ETFDH: variants seen among roughly 807,000 people sequenced by gnomAD.
The protein encoded by ETFDH is electron transfer flavoprotein-ubiquinone oxidoreductase, mitochondrial.
A neutral mutation model predicts 73.2 loss-of-function variants in ETFDH; 61 were observed. The observed-to-expected ratio is 0.83, with a 90% CI of 0.68 to 1.03. The LOEUF (loss-of-function observed/expected upper bound fraction) is 1.03, where lower values mean the gene tolerates loss of function less well. ETFDH is among the 50% of genes least tolerant of loss of function. The pLI is 0.00. For missense variants in ETFDH, 685 were observed against 745.0 expected (o/e 0.92, Z 0.94); for synonymous variants, 243 against 253.3 (o/e 0.96, Z 0.39).
intron 5 of ETFDH, among the ~76,000 whole-genome samples, chr4:158,688,407 A>G (rs63677960): frequency 1.0e-4 from 11 of 108,524 alleles, no homozygotes; most frequent in South Asian, 9.3e-4. Flanking sequence ...AAAAAAAAAA[A>G]GGGCACAGTG....
At chr4:158,683,485 T>C (rs1773915300) in intron 3 of ETFDH, among the ~76,000 whole-genome samples, 1 of 152,250 alleles carries the variant, frequency 6.6e-6, no homozygotes, top group African/African-American at 2.4e-5. Flanking sequence ...GAATTTATCC[T>C]TTTGATATTA....
chr4:158,685,764 C>G (rs62351200), intron 5 of ETFDH, among the ~76,000 whole-genome samples: 1 of 152,106 alleles, frequency 6.6e-6, no homozygotes, highest in South Asian at 2.1e-4. Flanking sequence ...AATGATGACC[C>G]GATAACCCAG....
chr4:158,699,884 G>A (rs1774412514), intron 9 of ETFDH, among the ~76,000 whole-genome samples: 1 of 152,092 alleles, frequency 6.6e-6, no homozygotes, highest in African/African-American at 2.4e-5. Context: ...AGACCTAGTA[G>A]CTAATTGTCA....
At chr4:158,673,996 T>TG (rs1773651004) in intron 1 of ETFDH, among the ~76,000 whole-genome samples, 1 of 148,982 alleles carries the variant, frequency 6.7e-6, no homozygotes, top group South Asian at 2.2e-4. Context: ...AGGTTGTGAC[T>TG]TTTTTTTCCA....
At chr4:158,684,422 TCAGA>T (rs1270005850) in intron 3 of ETFDH, among the ~76,000 whole-genome samples, 166 bp from the exon 4 acceptor site, 4 of 150,894 alleles carry the variant, frequency 2.7e-5, no homozygotes, top group Non-Finnish European at 4.4e-5. Context: ...TCTGTACATC[TCAGA>T]CAGAGAAAGG....
At chr4:158,702,986 T>G (rs1774506017) in intron 9 of ETFDH, among the ~76,000 whole-genome samples, 1 of 152,232 alleles carries the variant, frequency 6.6e-6, no homozygotes, top group Non-Finnish European at 1.5e-5. Context: ...AAGTTTTTTG[T>G]CTTTTTGATA....
rs1774711900 is a variant in ETFDH at position 158,708,667 on chromosome 4, A to G, written c.*140A>G. On this transcript the variant is annotated 3_prime_UTR_variant, in exon 13 of 13. Transcript: ENST00000511912. Reference sequence around the variant, plus strand: ...TTATCAAATAAAAATTTTATACTATATGTAAGATTGTCCCATAAAGAAATT... The same window carrying G: ...TTATCAAATAAAAATTTTATACTATGTGTAAGATTGTCCCATAAAGAAATT... The G allele has an allele frequency of 5.6e-6, 4 of 710,780 alleles. No individual in the cohort carries two copies. The East Asian group carries it at 1.1e-4, about 19-fold the overall frequency. The allele number at this position is 710,780 out of a possible 1,614,324, so 44.0% of individuals were successfully genotyped here. A position where few individuals can be genotyped will look rare whatever the true frequency, so the allele number is the denominator to read the frequency against.
chr4:158,691,820 T>A (rs1402402854), intron 6 of ETFDH, among the ~76,000 whole-genome samples: 1 of 152,328 alleles, frequency 6.6e-6, no homozygotes, highest in South Asian at 2.1e-4. Context: ...AAAAATAGCT[T>A]GCTGTCCTAT....
chr4:158,703,382 A>G (rs1774517072), intron 9 of ETFDH, 41 bp from the exon 10 acceptor site: 1 of 1,416,830 alleles, frequency 7.1e-7, no homozygotes, highest in Non-Finnish European at 1.0e-6. Context: ...TTCTTGTTTA[A>G]TATGAACTAA....
intron 6 of ETFDH, among the ~76,000 whole-genome samples, chr4:158,693,379 G>T (rs1203668615): frequency 6.6e-6 from 1 of 152,144 alleles, no homozygotes; most frequent in East Asian, 1.9e-4. Context: ...AGTTACAGAG[G>T]TTAAGTAACT....
intron 4 of ETFDH, 185 bp from the exon 5 acceptor site, chr4:158,684,916 A>G (rs942710759): frequency 1.9e-5 from 12 of 619,826 alleles, no homozygotes; most frequent in Non-Finnish European, 3.2e-5. Flanking sequence ...TTAGTGCTTT[A>G]ATGTTGTTTG....
intron 7 of ETFDH, among the ~76,000 whole-genome samples, chr4:158,696,210 A>C (rs1269143433): frequency 6.6e-6 from 1 of 152,204 alleles, no homozygotes; most frequent in Non-Finnish European, 1.5e-5. Context: ...CCTTTTGCTT[A>C]AATATTTTTG....
At chr4:158,700,360 C>G (rs1352441667) in intron 9 of ETFDH, among the ~76,000 whole-genome samples, 3 of 152,016 alleles carry the variant, frequency 2.0e-5, no homozygotes, top group Non-Finnish European at 4.4e-5. Context: ...TAACTGTATT[C>G]AAGCCTATTA....
At chr4:158,684,197 C>G (rs1773940226) in intron 3 of ETFDH, among the ~76,000 whole-genome samples, 1 of 152,246 alleles carries the variant, frequency 6.6e-6, no homozygotes, top group South Asian at 2.1e-4. Context: ...CGAGACCAGC[C>G]TGGCCAACAT....
Position 158,708,434 on chromosome 4 carries a change from A to G in ETFDH, c.1761A>G (p.Val587=), listed in dbSNP as rs1774699588. ...TACAGATAAATGCTCAGAACTGTGT[A>G]CATTGTAAAACATGTGATATTAAAG... ...FRLQINAQNC[V]HCKTCDIKDP... The change falls in exon 13 of 13, where the codon GTA becomes GTG. Residue 587 remains valine (V), a synonymous_variant. Coordinates refer to ENST00000511912, the MANE Select transcript of ETFDH (RefSeq NM_004453.4). 1.2e-6 allele frequency: 2 copies of G among 1,610,626 alleles called. No individual in the cohort carries two copies. Among genetic ancestry groups the G allele is most frequent in the African/African-American group, 1.3e-5 (1 of 74,884 alleles).
chr4:158,678,316 A>AT (rs1773761798), intron 1 of ETFDH, among the ~76,000 whole-genome samples: 1 of 152,146 alleles, frequency 6.6e-6, no homozygotes, highest in Non-Finnish European at 1.5e-5. Context: ...CAGTTTTGAT[A>AT]TGTACTGGTC....
At chr4:158,700,727 T>C (rs1774441042) in intron 9 of ETFDH, 1 of 152,188 alleles carries the variant, frequency 6.6e-6, no homozygotes, top group Admixed American at 6.5e-5. Context: ...TCTAGTTCAA[T>C]ACTACAGAAG....
intron 4 of ETFDH, 54 bp downstream of exon 4, chr4:158,684,727 T>C (rs1156244222): frequency 2.0e-6 from 2 of 1,009,726 alleles, no homozygotes; most frequent in African/African-American, 3.2e-5. Context: ...TGGAAGGAAC[T>C]ACATTTCATC....
intron 5 of ETFDH, among the ~76,000 whole-genome samples, chr4:158,686,236 T>G (rs190737772): frequency 1.3e-5 from 2 of 152,194 alleles, no homozygotes; most frequent in East Asian, 3.9e-4. Flanking sequence ...TGAGCCCCAA[T>G]AGCAGAAAGG....
Sources: allele counts gnomAD v4.1 joint callset (sites outside exome capture counted in the v4.1 genomes callset), GRCh38; gene constraint gnomAD v4.1.1; transcripts MANE v1.5; gene names NCBI Gene and HGNC (gene_info 2026-07-23, HGNC 2026-07-21).